The following BTRC variants were observed in gnomAD, a reference collection of about 807,000 sequenced individuals.
BTRC encodes beta-transducin repeat containing E3 ubiquitin protein ligase.
A neutral mutation model predicts 85.5 loss-of-function variants in BTRC; 42 were observed. The observed-to-expected ratio is 0.49, with a 90% CI of 0.38 to 0.64. The LOEUF (loss-of-function observed/expected upper bound fraction) is 0.64, where lower values mean the gene tolerates loss of function less well. Ranked by LOEUF, BTRC falls within the 30% of genes least tolerant of loss-of-function variation. The probability of loss-of-function intolerance (pLI) is 0.00; values close to 1 mark genes in which losing one functional copy is unlikely to be tolerated. For synonymous variants in BTRC, 255 were observed against 263.3 expected, an observed-to-expected ratio of 0.97 and a Z score of 0.30; for missense variants, 594 against 743.5, an observed-to-expected ratio of 0.80 and a Z score of 2.34.
chr10:101,523,223 A>AAATG (rs1372161317), intron 5 of BTRC, among the ~76,000 whole-genome samples: 3 of 152,154 alleles, frequency 2.0e-5, no homozygotes, highest in Admixed American at 2.0e-4. Flanking sequence ...ATAAATAAAT[A>AAATG]AATAGATAAA....
intron 1 of BTRC, among the ~76,000 whole-genome samples, chr10:101,358,904 G>A (rs1216674325): frequency 6.6e-6 from 1 of 152,168 alleles, no homozygotes; most frequent in Non-Finnish European, 1.5e-5. Context: ...GCATAAACAA[G>A]GAAGGGGGAA....
chr10:101,507,057 A>T (rs1946560896), intron 4 of BTRC, among the ~76,000 whole-genome samples: 1 of 152,192 alleles, frequency 6.6e-6, no homozygotes, highest in Non-Finnish European at 1.5e-5. Context: ...TAACCACGAC[A>T]TTTTAAAAGA....
chr10:101,362,737 T>C (rs1392025530), intron 1 of BTRC, among the ~76,000 whole-genome samples: 1 of 152,228 alleles, frequency 6.6e-6, no homozygotes, highest in East Asian at 1.9e-4. Flanking sequence ...CAGCCACGAA[T>C]AGCTAACAGC....
chr10:101,474,837 GTCTT>G (rs1945634515), intron 3 of BTRC, among the ~76,000 whole-genome samples: 1 of 152,094 alleles, frequency 6.6e-6, no homozygotes, highest in African/African-American at 2.4e-5. Flanking sequence ...CCCATTTTCC[GTCTT>G]TTTTAAGTCG....
At chr10:101,475,955 T>TATATATATATATATATATA (rs1564795715) in intron 3 of BTRC, among the ~76,000 whole-genome samples, 2 of 24,232 alleles carry the variant, frequency 8.3e-5, no homozygotes, top group African/African-American at 2.1e-4. Flanking sequence ...ATATATATAT[T>TATATATATATATATATATA]CAGTAATTCC....
intron 1 of BTRC, among the ~76,000 whole-genome samples, chr10:101,363,681 G>A (rs772171895): frequency 1.3e-5 from 2 of 151,998 alleles, no homozygotes; most frequent in African/African-American, 4.8e-5. Context: ...GTGCCTGGCC[G>A]GGAAGTTCGT....
At chr10:101,354,589 T>G in intron 1 of BTRC, 1 of 308,454 alleles carries the variant, frequency 3.2e-6, no homozygotes, top group Non-Finnish European at 5.9e-6. Flanking sequence ...TGGCGGGGCC[T>G]TCCTGGTGTC....
intron 4 of BTRC, among the ~76,000 whole-genome samples, chr10:101,516,289 T>G (rs1488541180): frequency 6.6e-6 from 1 of 152,180 alleles, no homozygotes; most frequent in Non-Finnish European, 1.5e-5. Flanking sequence ...AAATAGAACC[T>G]ATTATATTAT....
chr10:101,376,222 G>A (rs895719035), intron 1 of BTRC, among the ~76,000 whole-genome samples: 2 of 152,168 alleles, frequency 1.3e-5, no homozygotes, highest in African/African-American at 2.4e-5. Context: ...CTACTTGGGT[G>A]GCTGAGGCCA....
intron 13 of BTRC, among the ~76,000 whole-genome samples, chr10:101,541,451 G>A (rs775681800): frequency 6.6e-6 from 1 of 151,980 alleles, no homozygotes; most frequent in Non-Finnish European, 1.5e-5. Flanking sequence ...TAGTAGAGAC[G>A]GGGTTTCATC....
At chr10:101,523,017 A>G (rs1343874011) in intron 5 of BTRC, among the ~76,000 whole-genome samples, 2 of 152,138 alleles carry the variant, frequency 1.3e-5, no homozygotes, top group African/African-American at 4.8e-5. Context: ...CAGCATGACC[A>G]ACATAGTGAA....
intron 1 of BTRC, among the ~76,000 whole-genome samples, chr10:101,420,118 T>G (rs1944059660): frequency 6.6e-6 from 1 of 152,078 alleles, no homozygotes; most frequent in Non-Finnish European, 1.5e-5. Flanking sequence ...GTGTAATACA[T>G]TGTAAGATTT....
At position 101,538,323 on chromosome 10, in the gene BTRC, T is replaced by C. The variant is rs1490748923; in HGVS notation, c.1608T>C (p.Ala536=). 1.2e-6 allele frequency: 2 copies of C among 1,614,144 alleles called. No homozygotes were observed. The highest frequency in any genetic ancestry group is 1.7e-6 in the Non-Finnish European group (2 of 1,179,984). The change falls in exon 13 of 15, where the codon GCT becomes GCC. Residue 536 remains alanine, a synonymous_variant. Coordinates refer to ENST00000370187, the MANE Select transcript of BTRC (RefSeq NM_033637.4). The stretch of plus-strand genomic sequence containing the variant: ...TTAAAGTGTGGGATCTTGTGGCTGC[T>C]TTGGACCCCCGTGCTCCTGCAGGGA... ...GKIKVWDLVA[A]LDPRAPAGTL...
At chr10:101,527,532 C>T (rs528652510) in intron 6 of BTRC, among the ~76,000 whole-genome samples, 6 of 152,210 alleles carry the variant, frequency 3.9e-5, no homozygotes, top group East Asian at 3.9e-4. Context: ...GCAAGAGGAT[C>T]GTTTGAGCCC....
chr10:101,427,237 C>A (rs1944281077), intron 1 of BTRC, among the ~76,000 whole-genome samples: 1 of 150,714 alleles, frequency 6.6e-6, no homozygotes, highest in South Asian at 2.1e-4. Flanking sequence ...CCTGCCTCAG[C>A]CTCCTGAGTA....
intron 2 of BTRC, among the ~76,000 whole-genome samples, chr10:101,448,117 G>A (rs1251984831): frequency 1.3e-5 from 2 of 152,140 alleles, no homozygotes; most frequent in Non-Finnish European, 2.9e-5. Flanking sequence ...TGCATAGTTA[G>A]CAAAGTGGTA....
rs34955428 is a variant in BTRC, at chr10:101,438,422, CAAAAAAAAAAA to C, written c.156+7988_156+7998del. Among the ~76,000 whole-genome samples the C allele has an allele frequency of 6.9e-5, 4 of 57,762 alleles. No homozygotes were observed. The East Asian group carries it at 2.0e-3, about 29-fold the overall frequency. The allele number at this position is 57,762 out of a possible 152,430, so 37.9% of individuals were successfully genotyped here. A position where few individuals can be genotyped will look rare whatever the true frequency, so the allele number is the denominator to read the frequency against. ...CCTGGGCGACAGAGCGAGACTGCCTCAAAAAAAAAAAAAAAAAAAAAAAAAAAAGTCTTCTC... is the reference window on the plus strand; with the variant it reads ...CCTGGGCGACAGAGCGAGACTGCCTCAAAAAAAAAAAAAAAAAGTCTTCTC... On this transcript the variant is annotated intron_variant, in intron 2 of 14. Coordinates refer to ENST00000370187, the MANE Select transcript of BTRC (RefSeq NM_033637.4).
At chr10:101,423,053 T>A (rs892120472) in intron 1 of BTRC, among the ~76,000 whole-genome samples, 1 of 152,174 alleles carries the variant, frequency 6.6e-6, no homozygotes, top group Non-Finnish European at 1.5e-5. Flanking sequence ...GAGTTTTTTT[T>A]AATTAAGTTA....
chr10:101,393,371 T>A (rs1943285271), intron 1 of BTRC, among the ~76,000 whole-genome samples: 1 of 152,160 alleles, frequency 6.6e-6, no homozygotes, highest in Admixed American at 6.5e-5. Context: ...TAACCCCAAC[T>A]TGAAGCCAGT....
Sources: gnomAD v4.1 joint callset for allele counts (sites outside exome capture counted in the v4.1 genomes callset) on GRCh38, gnomAD v4.1.1 for gene constraint, MANE v1.5 for transcripts, NCBI Gene and HGNC (gene_info 2026-07-23, HGNC 2026-07-21) for gene names.